Variants in POLD1 observed in about 807,000 individuals in gnomAD.
The protein encoded by POLD1 is DNA polymerase delta 1, catalytic subunit.
A neutral mutation model predicts 129.7 loss-of-function variants in POLD1; 79 were observed. The observed-to-expected ratio is 0.61, with a 90% confidence interval of 0.51 to 0.73. The LOEUF is 0.73. Among genes scored for constraint, POLD1 ranks in the 30% least tolerant of loss-of-function variants. The pLI is 0.00. For missense variants in POLD1, 1,338 were observed against 1,595.8 expected (o/e 0.84, Z 2.75); for synonymous variants, 714 against 683.3 (o/e 1.04, Z -0.70).
At chr19:50,416,985 G>A (rs888895205) in intron 24 of POLD1, 60 bp from the exon 25 acceptor site, 3 of 1,499,504 alleles carry the variant, frequency 2.0e-6, no homozygotes, top group Non-Finnish European at 2.7e-6. Flanking sequence ...AGTGGGCAGG[G>A]ATGGGGTGGC....
At chr19:50,403,286 C>G in intron 9 of POLD1, 67 bp downstream of exon 9, 1 of 1,453,072 alleles carries the variant, frequency 6.9e-7, no homozygotes. Flanking sequence ...CCTGAGCCAT[C>G]AGCTCCTGGG....
At chr19:50,395,411 G>T (rs1189614867) in intron 1 of POLD1, among the ~76,000 whole-genome samples, 1 of 151,840 alleles carries the variant, frequency 6.6e-6, no homozygotes, top group African/African-American at 2.4e-5. Context: ...GTGAAACCCC[G>T]TCTCTACTAA....
chr19:50,408,135 G>T (rs1183754995), intron 14 of POLD1, among the ~76,000 whole-genome samples: 1 of 151,272 alleles, frequency 6.6e-6, no homozygotes, highest in Non-Finnish European at 1.5e-5. Context: ...AGGAGATTGG[G>T]ACCATCCTGG....
chr19:50,402,014 A>C lies in POLD1; in HGVS notation c.479A>C (p.His160Pro), dbSNP rs760637101. The stretch of plus-strand genomic sequence containing the variant: ...CCCACACCAGGTTTCGGGCCCGAGC[A>C]CATGGGTGACCTGCAACGGGAGCTG... ...TPAPPGFGPE[H>P]MGDLQRELNL... Residue 160 changes from histidine to proline, a missense_variant, in exon 5 of 27, where the codon CAC (histidine) becomes CCC (proline). By Grantham distance (77) the His-to-Pro change is moderately conservative. This residue lies in a region of POLD1 where 332 missense variants were observed against 315.7 expected (regional missense o/e 1.05). Transcript: ENST00000440232. 6.2e-7 allele frequency: 1 copy of C among 1,614,032 alleles called. No homozygotes were observed. The highest frequency in any genetic ancestry group is 8.5e-7 in the Non-Finnish European group (1 of 1,179,966).
intron 1 of POLD1, among the ~76,000 whole-genome samples, chr19:50,384,690 C>T (rs1213160777): frequency 1.3e-5 from 2 of 152,228 alleles, no homozygotes; most frequent in African/African-American, 2.4e-5. Context: ...TTGGTGTCAT[C>T]CTGGATTCGC....
At chr19:50,397,378 C>G (rs990256335) in intron 1 of POLD1, among the ~76,000 whole-genome samples, 4 of 150,500 alleles carry the variant, frequency 2.7e-5, no homozygotes, top group African/African-American at 9.8e-5. Context: ...GTACTCCAGC[C>G]TGGGCAACAA....
In POLD1 at chr19:50,409,359, A is replaced by C. The variant is rs1397412325; in HGVS notation, c.2006+124A>C. 35 of 1,248,148 alleles carry C rather than the reference A, an allele frequency of 2.8e-5. No individual in the cohort carries two copies. Among genetic ancestry groups the C allele is most frequent in the Non-Finnish European group, 3.8e-5 (33 of 870,914 alleles). 77.3% of individuals were successfully genotyped at this position (1,248,148 alleles called of 1,614,324 possible). On this transcript the variant is annotated intron_variant, in intron 16 of 26. Transcript: ENST00000440232. The surrounding 1 kb of genome is among the most constrained non-coding windows in gnomAD (Gnocchi z 5.8). Reference sequence around the variant, plus strand: ...TGCCCTCAGCTGTGCGTGAATTAGCACAAGGCATCCCCTCCTGGCAGCTTC... The same window carrying C: ...TGCCCTCAGCTGTGCGTGAATTAGCCCAAGGCATCCCCTCCTGGCAGCTTC...
chr19:50,401,653 CACAGGGAACGGT>C, intron 3 of POLD1, 113 bp from the exon 4 acceptor site: 2 of 1,030,450 alleles, frequency 1.9e-6, no homozygotes, highest in Non-Finnish European at 2.9e-6. Flanking sequence ...CTGAAATGGA[CACAGGGAACGGT>C]ACAGGGGCAG....
At chr19:50,408,952 C>T in intron 15 of POLD1, 51 bp downstream of exon 15, 1 of 1,540,714 alleles carries the variant, frequency 6.5e-7, no homozygotes, top group Non-Finnish European at 8.9e-7. Flanking sequence ...TGGGCCTTCC[C>T]TTGGGGGGCT....
At position 50,403,157 on chromosome 19, in the gene POLD1, C is replaced by A; in HGVS notation, c.1075C>A (p.Pro359Thr). 6.4e-7 allele frequency: 1 copy of A among 1,561,342 alleles called. No individual in the cohort carries two copies. The highest frequency in any genetic ancestry group is 8.7e-7 in the Non-Finnish European group (1 of 1,152,522). The change falls in exon 9 of 27, where the codon CCC (proline) becomes ACC (threonine). Residue 359 changes from proline to threonine, a missense_variant. Around this residue, in one of 3 missense-constraint regions of POLD1, gnomAD observed 720 missense variants for 1,002.6 expected, o/e 0.72. Transcript: ENST00000440232. Reference sequence around the variant, plus strand: ...CCTACGCCTGGCGCTCACCCTGCGGCCCTGTGCCCCCATCCTGGGTGCCAA... The same window carrying A: ...CCTACGCCTGGCGCTCACCCTGCGGACCTGTGCCCCCATCCTGGGTGCCAA... ...PFLRLALTLR[P>T]CAPILGAKVQ...
chr19:50,416,103 C>G (rs893879010), intron 22 of POLD1: 22 of 576,512 alleles, frequency 3.8e-5, no homozygotes, highest in Non-Finnish European at 6.4e-5. Context: ...TCCTCCAGCT[C>G]TACCCCCACC....
chr19:50,411,278 C>G (rs571031286), intron 17 of POLD1, among the ~76,000 whole-genome samples: 175 of 152,316 alleles, frequency 1.1e-3, no homozygotes, highest in African/African-American at 3.7e-3. Context: ...GCTCCCAACT[C>G]CCCTCTGCCT....
chr19:50,404,525 GTGT>G (rs1314221106), intron 10 of POLD1, among the ~76,000 whole-genome samples: 1 of 145,762 alleles, frequency 6.9e-6, no homozygotes, highest in African/African-American at 2.7e-5. Context: ...GCCTCCCAAA[GTGT>G]TGGGATTATA....
At chr19:50,398,760 C>A in intron 1 of POLD1, 91 bp from the exon 2 acceptor site, 1 of 1,526,230 alleles carries the variant, frequency 6.6e-7, no homozygotes. Flanking sequence ...GGAAAAGGCT[C>A]GTGGTCATGG....
At chr19:50,401,176 C>T (rs1012499811) in intron 3 of POLD1, among the ~76,000 whole-genome samples, 1 of 150,480 alleles carries the variant, frequency 6.6e-6, no homozygotes, top group Non-Finnish European at 1.5e-5. Context: ...GTAATCTCAG[C>T]TGTTCAGGTG....
At chr19:50,393,601 G>A (rs2038242376) in intron 1 of POLD1, among the ~76,000 whole-genome samples, 1 of 152,148 alleles carries the variant, frequency 6.6e-6, no homozygotes, top group Non-Finnish European at 1.5e-5. Flanking sequence ...GGGAGGTCAA[G>A]GCTGCAGTGA....
At chr19:50,391,243 A>G (rs900437736) in intron 1 of POLD1, among the ~76,000 whole-genome samples, 1 of 151,500 alleles carries the variant, frequency 6.6e-6, no homozygotes, top group African/African-American at 2.4e-5. Flanking sequence ...GGCGCTCCTC[A>G]CTTCCCAGAC....
Position 50,417,674 on chromosome 19 carries a change from CCCCCCCCA to C in POLD1, c.3219-160_3219-153del, listed in dbSNP as rs1294251775. 0.013 allele frequency among the ~76,000 whole-genome samples: 1,441 copies of C among 110,376 alleles called. 34 individuals are homozygous for C. The highest frequency in any genetic ancestry group is 0.048 in the South Asian group (122 of 2,524). 72.4% of individuals were successfully genotyped at this position (110,376 alleles called of 152,430 possible). A position where few individuals can be genotyped will look rare whatever the true frequency, so the allele number is the denominator to read the frequency against. On this transcript the variant is annotated intron_variant, in intron 26 of 26. Coordinates refer to ENST00000440232, the MANE Select transcript of POLD1 (RefSeq NM_002691.4). ...CCAGGCACCCGCTGTTATCGGCTCCCCCCCCCCACCCCCCCCGTGCCTGCTGAGCAAAC... is the reference window on the plus strand; with the variant it reads ...CCAGGCACCCGCTGTTATCGGCTCCCCCCCCCCCGTGCCTGCTGAGCAAAC...
At position 50,401,806 on chromosome 19, in the gene POLD1, C is replaced by G; in HGVS notation, c.345C>G (p.Pro115=). 6.2e-7 allele frequency: 1 copy of G among 1,613,266 alleles called. No individual in the cohort carries two copies. Among genetic ancestry groups the G allele is most frequent in the Non-Finnish European group, 8.5e-7 (1 of 1,179,868 alleles). Reference sequence around the variant, plus strand: ...CAGCGCAGCCTGTGCCTGGGGGGCCCCCACCATCCCGCGGCTCCGTGCCTG... The same window carrying G: ...CAGCGCAGCCTGTGCCTGGGGGGCCGCCACCATCCCGCGGCTCCGTGCCTG... The part of the protein sequence containing the change: ...VGPAQPVPGG[P]PPSRGSVPVL... Residue 115 remains proline, a synonymous_variant, in exon 4 of 27, where the codon CCC becomes CCG. Coordinates refer to ENST00000440232, the MANE Select transcript of POLD1 (RefSeq NM_002691.4).
Sources: allele counts gnomAD v4.1 joint callset (sites outside exome capture counted in the v4.1 genomes callset), GRCh38; gene constraint gnomAD v4.1.1; regional missense constraint gnomAD v4.1.1; non-coding constraint Gnocchi (gnomAD v3.1); transcripts MANE v1.5; gene names NCBI Gene and HGNC (gene_info 2026-07-23, HGNC 2026-07-21).